LMO7: variants seen among roughly 807,000 people sequenced by gnomAD.
LMO7 encodes the protein LIM domain 7.
In LMO7, 120 loss-of-function variants were observed where a neutral mutation model predicts 206.5. The observed-to-expected ratio is 0.58, with a 90% CI of 0.50 to 0.68. The LOEUF (loss-of-function observed/expected upper bound fraction) is 0.68, where lower values mean the gene tolerates loss of function less well. LMO7 is among the 30% of genes least tolerant of loss of function. The probability of loss-of-function intolerance (pLI) is 0.00; values close to 1 mark genes in which losing one functional copy is unlikely to be tolerated. For missense variants in LMO7, 1,959 were observed against 1,957.9 expected, an observed-to-expected ratio of 1.00 and a Z score of -0.01; for synonymous variants, 706 against 681.5, an observed-to-expected ratio of 1.04 and a Z score of -0.56.
intron 3 of LMO7, among the ~76,000 whole-genome samples, chr13:75,733,470 C>A (rs958160755): frequency 2.6e-5 from 4 of 152,192 alleles, no homozygotes; most frequent in Admixed American, 6.5e-5. Flanking sequence ...GTTTTTTAAG[C>A]CCGTCGGAAA....
intron 11 of LMO7, among the ~76,000 whole-genome samples, chr13:75,811,093 A>T (rs1181664311): frequency 6.6e-6 from 1 of 152,206 alleles, no homozygotes; most frequent in African/African-American, 2.4e-5. Flanking sequence ...GTCCTCAGAA[A>T]ATTCAAGTGT....
intron 20 of LMO7, 81 bp from the exon 21 acceptor site, chr13:75,840,004 A>G (rs759245619): frequency 7.5e-7 from 1 of 1,327,182 alleles, no homozygotes; most frequent in South Asian, 1.2e-5. Flanking sequence ...CTAATGATAG[A>G]AGTTTCTGAA....
chr13:75,798,570 G>C (rs1392880245), intron 6 of LMO7, among the ~76,000 whole-genome samples: 3 of 152,160 alleles, frequency 2.0e-5, no homozygotes, highest in African/African-American at 7.2e-5. Context: ...CTAAGGTTGT[G>C]GTTCCATTCC....
rs557219243 is a variant in LMO7 at position 75,636,581 on chromosome 13, C to G, written c.-77C>G. The G allele has an allele frequency of 3.2e-6, 5 of 1,539,430 alleles. No individual in the cohort carries two copies. Among genetic ancestry groups the G allele is most frequent in the Middle Eastern group, 2.1e-4 (1 of 4,762 alleles). On this transcript the variant is annotated 5_prime_UTR_variant, in exon 1 of 31. Coordinates refer to ENST00000377534, the MANE Select transcript of LMO7 (RefSeq NM_001306080.2). Reference sequence around the variant, plus strand: ...GGGAGGCCCGCGTGCCCTCCCCGCCCGTGGGGCCCAGACGCGCGGGGACAA... The same window carrying G: ...GGGAGGCCCGCGTGCCCTCCCCGCCGGTGGGGCCCAGACGCGCGGGGACAA...
chr13:75,817,887 AT>A (rs545636915), intron 12 of LMO7, among the ~76,000 whole-genome samples: 6 of 152,074 alleles, frequency 3.9e-5, no homozygotes, highest in Non-Finnish European at 7.4e-5. Flanking sequence ...AAGCTTGACC[AT>A]TTTTTTTAAT....
At chr13:75,779,159 G>C (rs1247420699) in intron 4 of LMO7, among the ~76,000 whole-genome samples, 2 of 152,110 alleles carry the variant, frequency 1.3e-5, no homozygotes, top group Non-Finnish European at 2.9e-5. Flanking sequence ...AACCAGGACA[G>C]AGCATGTGGA....
intron 4 of LMO7, among the ~76,000 whole-genome samples, chr13:75,776,634 G>A (rs1172712735): frequency 6.6e-6 from 1 of 152,132 alleles, no homozygotes; most frequent in Non-Finnish European, 1.5e-5. Flanking sequence ...TAAATATAGT[G>A]TAAAAAAGTT....
chr13:75,673,281 T>A (rs575155695), intron 1 of LMO7, among the ~76,000 whole-genome samples: 31 of 152,336 alleles, frequency 2.0e-4, no homozygotes, highest in African/African-American at 7.0e-4. Context: ...GCTTTCCATC[T>A]GAACCTTGAC....
At chr13:75,798,231 G>A (rs543264535) in intron 6 of LMO7, among the ~76,000 whole-genome samples, 41 of 152,262 alleles carry the variant, frequency 2.7e-4, no homozygotes, top group African/African-American at 8.7e-4. Flanking sequence ...TTAGCTGTGT[G>A]TGGTGATACA....
At chr13:75,625,069 T>C (rs1185472175) in intron 2 of LMO7, among the ~76,000 whole-genome samples, 4 of 152,170 alleles carry the variant, frequency 2.6e-5, no homozygotes, top group Admixed American at 2.0e-4. Context: ...TTCTTCCTGA[T>C]TTCTTTTGGT....
At chr13:75,797,008 A>G (rs1455413789) in intron 6 of LMO7, among the ~76,000 whole-genome samples, 1 of 152,202 alleles carries the variant, frequency 6.6e-6, no homozygotes, top group Non-Finnish European at 1.5e-5. Context: ...TTAATTCTAC[A>G]TAATTTGATG....
At chr13:75,799,310 A>C (rs535863346) in intron 6 of LMO7, among the ~76,000 whole-genome samples, 2 of 152,362 alleles carry the variant, frequency 1.3e-5, no homozygotes, top group East Asian at 1.9e-4. Context: ...AGTTGAAAGA[A>C]GAGTACAACA....
At chr13:75,749,288 A>T (rs537637579) in intron 3 of LMO7, among the ~76,000 whole-genome samples, 4 of 152,168 alleles carry the variant, frequency 2.6e-5, no homozygotes, top group Non-Finnish European at 5.9e-5. Flanking sequence ...TAAAATATGC[A>T]TTTTAGCATC....
At chr13:75,749,884 G>C (rs2047136421) in intron 3 of LMO7, among the ~76,000 whole-genome samples, 1 of 151,412 alleles carries the variant, frequency 6.6e-6, no homozygotes, top group Non-Finnish European at 1.5e-5. Flanking sequence ...TTAAAAAATG[G>C]CTGAGACTGA....
rs753994401 is a variant in LMO7 at position 75,805,506 on chromosome 13, T to C, written c.942T>C (p.Asn314=). The change falls in exon 9 of 31, where the codon AAT becomes AAC. Residue 314 remains asparagine, a synonymous_variant. Coordinates refer to ENST00000377534, the MANE Select transcript of LMO7 (RefSeq NM_001306080.2). ...SSNQRRIWGT[N]VENWPTVQGT... The stretch of plus-strand genomic sequence containing the variant: ...ATCAGAGGAGGATTTGGGGCACCAA[T>C]GTGGAGAACTGGCCAACTGTACAAG... 1 of 1,613,976 alleles carries C rather than the reference T, an allele frequency of 6.2e-7. No homozygotes were observed. The highest frequency in any genetic ancestry group is 1.1e-5 in the South Asian group (1 of 91,084).
At chr13:75,719,519 A>T (rs539206030) in intron 2 of LMO7, among the ~76,000 whole-genome samples, 2 of 152,036 alleles carry the variant, frequency 1.3e-5, no homozygotes, top group African/African-American at 4.8e-5. Flanking sequence ...ATGGGGGTGG[A>T]TTTCCCCCAT....
chr13:75,849,135 A>C lies in LMO7; in HGVS notation c.4207A>C (p.Lys1403Gln), dbSNP rs747307093. Residue 1403 changes from lysine to glutamine, a missense_variant, in exon 27 of 31, where the codon AAG becomes CAG. Coordinates refer to ENST00000377534, the MANE Select transcript of LMO7 (RefSeq NM_001306080.2). ...GNMTSSQRRSKKEQVPSGAEL... is the reference protein window; with the variant it reads ...GNMTSSQRRSQKEQVPSGAEL... ...CATGACCTCTTCACAGAGGAGATCC[A>C]AGAAAGAACAAGTACCATCAGGAGC... The C allele has an allele frequency of 1.9e-6, 3 of 1,613,448 alleles. No homozygotes were observed. In the South Asian group the frequency reaches 3.3e-5, roughly 18 times the overall value.
intron 1 of LMO7, among the ~76,000 whole-genome samples, chr13:75,683,465 A>G (rs752988440): frequency 6.6e-6 from 1 of 152,216 alleles, no homozygotes; most frequent in African/African-American, 2.4e-5. Flanking sequence ...TCCAGCACCA[A>G]TGATTATCAT....
chr13:75,754,950 T>G (rs961846740), intron 3 of LMO7, among the ~76,000 whole-genome samples: 2 of 152,228 alleles, frequency 1.3e-5, no homozygotes, highest in Admixed American at 1.3e-4. Flanking sequence ...TAATTGTGTT[T>G]GTTGCAAACT....
Sources: gnomAD v4.1 joint callset for allele counts (sites outside exome capture counted in the v4.1 genomes callset) on GRCh38, gnomAD v4.1.1 for gene constraint, MANE v1.5 for transcripts, NCBI Gene and HGNC (gene_info 2026-07-23, HGNC 2026-07-21) for gene names.